The following P2RY2 variants were observed in gnomAD, a reference collection of about 807,000 sequenced individuals.
The protein encoded by P2RY2 is purinergic receptor P2Y2, also known as P2Y purinoceptor 2.
For synonymous variants in P2RY2, 241 were observed against 231.9 expected, an observed-to-expected ratio of 1.04 and a Z score of -0.35; for missense variants, 567 against 515.7, an observed-to-expected ratio of 1.10 and a Z score of -0.96.
At position 73,242,360 on chromosome 11, in the gene P2RY2, T is replaced by A. The variant is rs546610198; in HGVS notation, c.*7067T>A. The A allele has an allele frequency of 6.6e-6, 1 of 152,334 alleles. No individual in the cohort carries two copies. Among genetic ancestry groups the A allele is most frequent in the East Asian group, 1.9e-4 (1 of 5,182 alleles). The allele number at this position is 152,334 out of a possible 1,614,324, so 9.4% of individuals were successfully genotyped here. ...ACACAGTGTGTGCTGTCTCTGTGTG[T>A]GTGCACGTGTGTTTATGTGTGTGTT... On this transcript the variant is annotated 3_prime_UTR_variant, in exon 3 of 3. Coordinates refer to ENST00000393597, the MANE Select transcript of P2RY2 (RefSeq NM_002564.4).
rs2135649001 is a variant in P2RY2 at position 73,235,451 on chromosome 11, G to T, written c.*158G>T. ...GACAGGGGCTCAGGATATTCACTCT[G>T]TGGTCCAGAGTCAACTGTTCCCATA... On this transcript the variant is annotated 3_prime_UTR_variant, in exon 3 of 3. Coordinates refer to ENST00000393597, the MANE Select transcript of P2RY2 (RefSeq NM_002564.4). 2 of 1,393,924 alleles carry T rather than the reference G, an allele frequency of 1.4e-6. No homozygotes were observed. Among genetic ancestry groups the T allele is most frequent in the Admixed American group, 6.7e-5 (2 of 29,936 alleles). The allele number at this position is 1,393,924 out of a possible 1,614,324, so 86.3% of individuals were successfully genotyped here.
At position 73,228,191 on chromosome 11, in the gene P2RY2, G is replaced by GC. The variant is rs1862340361; in HGVS notation, c.-5+16_-5+17insC. 1.1e-5 allele frequency: 1 copy of GC among 89,998 alleles called. No individual in the cohort carries two copies. Among genetic ancestry groups the GC allele is most frequent in the Admixed American group, 1.2e-4 (1 of 8,504 alleles). The allele number at this position is 89,998 out of a possible 1,614,324, so 5.6% of individuals were successfully genotyped here. A position where few individuals can be genotyped will look rare whatever the true frequency, so the allele number is the denominator to read the frequency against. On this transcript the variant is annotated intron_variant, in intron 2 of 2. Coordinates refer to ENST00000393597, the MANE Select transcript of P2RY2 (RefSeq NM_002564.4). ...GGCTGGTCAGGTACGTGGGGTGGGG[G>GC]TGGGGGGGAGCGGGTACGCTGGCCG... is the stretch of plus-strand genomic sequence containing the variant.
chr11:73,234,134 C>A, intron 2 of P2RY2, 22 bp from the exon 3 acceptor site: 2 of 1,580,160 alleles, frequency 1.3e-6, no homozygotes, highest in South Asian at 2.4e-5. Flanking sequence ...CCCTGATGGC[C>A]CCACCCCTCC....
chr11:73,225,981 G>T (rs950875293), intron 1 of P2RY2, among the ~76,000 whole-genome samples: 2 of 152,208 alleles, frequency 1.3e-5, no homozygotes, highest in Non-Finnish European at 2.9e-5. Flanking sequence ...TAGGATTCGT[G>T]TTTCAGGAAA....
chr11:73,236,311 C>T lies in P2RY2; in HGVS notation c.*1018C>T, dbSNP rs912766055. 6.6e-6 allele frequency: 3 copies of T among 455,874 alleles called. No homozygotes were observed. The highest frequency in any genetic ancestry group is 6.4e-5 in the Admixed American group (1 of 15,616). The allele number at this position is 455,874 out of a possible 1,614,324, so 28.2% of individuals were successfully genotyped here. A position where few individuals can be genotyped will look rare whatever the true frequency, so the allele number is the denominator to read the frequency against. On this transcript the variant is annotated 3_prime_UTR_variant, in exon 3 of 3. Transcript: ENST00000393597. ...TTCCATGGTGCAAAAACTCTTATGGCCAAATTCAAACTATAAACATGATGT... is the reference window on the plus strand; with the variant it reads ...TTCCATGGTGCAAAAACTCTTATGGTCAAATTCAAACTATAAACATGATGT...
chr11:73,227,288 C>T (rs1037988335), intron 1 of P2RY2, among the ~76,000 whole-genome samples: 4 of 152,110 alleles, frequency 2.6e-5, no homozygotes, highest in African/African-American at 9.7e-5. Context: ...AAGTATTCCA[C>T]GTTGTATATG....
chr11:73,234,569 G>A lies in P2RY2; in HGVS notation c.410G>A (p.Arg137Gln), dbSNP rs146259826. Residue 137 changes from arginine to glutamine, a missense_variant, in exon 3 of 3, where the codon CGA becomes CAA. Arg to Gln is a conservative substitution (Grantham distance 43). Transcript: ENST00000393597. ...GTGCACCGGTGTCTGGGCGTCTTAC[G>A]ACCTCTGCGCTCCCTGCGCTGGGGC... ...ISVHRCLGVL[R>Q]PLRSLRWGRA... The A allele has an allele frequency of 3.8e-6, 6 of 1,586,170 alleles. No individual in the cohort carries two copies. The highest frequency in any genetic ancestry group is 3.4e-5 in the Admixed American group (2 of 58,228).
Position 73,239,435 on chromosome 11 carries a change from G to C in P2RY2, c.*4142G>C, listed in dbSNP as rs925712350. 6.6e-6 allele frequency: 1 copy of C among 152,382 alleles called. No individual in the cohort carries two copies. The highest frequency in any genetic ancestry group is 2.4e-5 in the African/African-American group (1 of 41,458). 9.4% of individuals were successfully genotyped at this position (152,382 alleles called of 1,614,324 possible). On this transcript the variant is annotated 3_prime_UTR_variant, in exon 3 of 3. Transcript: ENST00000393597. The stretch of plus-strand genomic sequence containing the variant: ...GAGGGCAGCATGGAGAGGAGGAAGA[G>C]GGGGCCCCTAGTAGCAAGCTTCAGA...
Position 73,241,322 on chromosome 11 carries a change from A to C in P2RY2, c.*6029A>C, listed in dbSNP as rs1045955498. 2 of 152,398 alleles carry C rather than the reference A, an allele frequency of 1.3e-5. No homozygotes were observed. The highest frequency in any genetic ancestry group is 4.8e-5 in the African/African-American group (2 of 41,476). The allele number at this position is 152,398 out of a possible 1,614,324, so 9.4% of individuals were successfully genotyped here. A position where few individuals can be genotyped will look rare whatever the true frequency, so the allele number is the denominator to read the frequency against. The stretch of plus-strand genomic sequence containing the variant: ...TGGGGCAAAGGGGAGGGTGGGGGCC[A>C]CAGGGCAGCTGATGCAGGAGCAGGG... On this transcript the variant is annotated 3_prime_UTR_variant, in exon 3 of 3. Transcript: ENST00000393597.
rs1282368189 is a variant in P2RY2 at position 73,241,735 on chromosome 11, G to C, written c.*6442G>C. The C allele has an allele frequency of 1.3e-5, 2 of 152,290 alleles. No individual in the cohort carries two copies. The highest frequency in any genetic ancestry group is 4.8e-5 in the African/African-American group (2 of 41,420). 9.4% of individuals were successfully genotyped at this position (152,290 alleles called of 1,614,324 possible). A position where few individuals can be genotyped will look rare whatever the true frequency, so the allele number is the denominator to read the frequency against. On this transcript the variant is annotated 3_prime_UTR_variant, in exon 3 of 3. Transcript: ENST00000393597. Reference sequence around the variant, plus strand: ...GTGTTGGGGCAGGGTGGGGAGGAAAGGGACCAATGTGTCTTTCCTGGTGAT... The same window carrying C: ...GTGTTGGGGCAGGGTGGGGAGGAAACGGACCAATGTGTCTTTCCTGGTGAT...
chr11:73,230,786 G>A (rs1237712258), intron 2 of P2RY2, among the ~76,000 whole-genome samples: 2 of 152,174 alleles, frequency 1.3e-5, no homozygotes, highest in Non-Finnish European at 2.9e-5. Context: ...GAGGTTGGCA[G>A]AGGCTCAGTT....
chr11:73,230,788 G>A (rs1591635011), intron 2 of P2RY2, among the ~76,000 whole-genome samples: 1 of 152,108 alleles, frequency 6.6e-6, no homozygotes, highest in African/African-American at 2.4e-5. Context: ...GGTTGGCAGA[G>A]GCTCAGTTAT....
chr11:73,222,338 C>T (rs1565134889), intron 1 of P2RY2, among the ~76,000 whole-genome samples: 1 of 152,052 alleles, frequency 6.6e-6, no homozygotes, highest in East Asian at 1.9e-4. Flanking sequence ...GGCCAAGGGA[C>T]CTGCTCCTCT....
Position 73,233,904 on chromosome 11 carries a change from C to T in P2RY2, c.-4-252C>T, listed in dbSNP as rs1271703510. ...TGGGCACCGTTGTGTTCCAACAAAGCTGAATTTACAAAAGCAGACTGGATC... is the reference window on the plus strand; with the variant it reads ...TGGGCACCGTTGTGTTCCAACAAAGTTGAATTTACAAAAGCAGACTGGATC... On this transcript the variant is annotated intron_variant, in intron 2 of 2. Coordinates refer to ENST00000393597, the MANE Select transcript of P2RY2 (RefSeq NM_002564.4). 4 of 529,188 alleles carry T rather than the reference C, an allele frequency of 7.6e-6. No homozygotes were observed. In the African/African-American group the frequency reaches 7.6e-5, roughly 10 times the overall value. The allele number at this position is 529,188 out of a possible 1,614,324, so 32.8% of individuals were successfully genotyped here.
rs376597347 is a variant in P2RY2 at position 73,237,445 on chromosome 11, G to T, written c.*2152G>T. Among the ~76,000 whole-genome samples, 2 of 151,958 alleles carry T rather than the reference G, an allele frequency of 1.3e-5. No homozygotes were observed. The highest frequency in any genetic ancestry group is 4.8e-5 in the African/African-American group (2 of 41,344). On this transcript the variant is annotated 3_prime_UTR_variant, in exon 3 of 3. Transcript: ENST00000393597. ...GTATTTTTAATAGAGACAGGGTTTC[G>T]CCATGTTGGCCAGGCTGGTCTCAAA...
chr11:73,238,373 T>C lies in P2RY2; in HGVS notation c.*3080T>C, dbSNP rs1862703022. 6.6e-6 allele frequency among the ~76,000 whole-genome samples: 1 copy of C among 152,180 alleles called. No individual in the cohort carries two copies. The highest frequency in any genetic ancestry group is 2.4e-5 in the African/African-American group (1 of 41,436). On this transcript the variant is annotated 3_prime_UTR_variant, in exon 3 of 3. Coordinates refer to ENST00000393597, the MANE Select transcript of P2RY2 (RefSeq NM_002564.4). ...CCCTGGCACACAGGGGTCTCTGCCC[T>C]GGGTGGCAGGTGTCCCAGGGTCCAG...
intron 1 of P2RY2, among the ~76,000 whole-genome samples, chr11:73,222,369 C>T (rs779329466): frequency 1.3e-5 from 2 of 151,966 alleles, no homozygotes; most frequent in African/African-American, 2.4e-5. Flanking sequence ...CCGTATGTGT[C>T]GTCTCCTCCT....
chr11:73,235,642 G>C lies in P2RY2; in HGVS notation c.*349G>C. The C allele has an allele frequency of 1.9e-6, 2 of 1,037,876 alleles. No individual in the cohort carries two copies. The highest frequency in any genetic ancestry group is 3.4e-5 in the African/African-American group (2 of 58,722). The allele number at this position is 1,037,876 out of a possible 1,614,324, so 64.3% of individuals were successfully genotyped here. On this transcript the variant is annotated 3_prime_UTR_variant, in exon 3 of 3. Coordinates refer to ENST00000393597, the MANE Select transcript of P2RY2 (RefSeq NM_002564.4). ...CCTAATCAAGTCAAATGGAGAAACA[G>C]GCCCAGAGAGGAAGGTGGCTTACCA...
rs1280012143 is a variant in P2RY2 at position 73,234,568 on chromosome 11, C to A, written c.409C>A (p.Arg137=). The A allele has an allele frequency of 6.3e-7, 1 of 1,586,102 alleles. No individual in the cohort carries two copies. The highest frequency in any genetic ancestry group is 1.7e-5 in the Admixed American group (1 of 58,218). The change falls in exon 3 of 3, where the codon CGA becomes AGA. Residue 137 remains arginine (R), a synonymous_variant. Coordinates refer to ENST00000393597, the MANE Select transcript of P2RY2 (RefSeq NM_002564.4). The part of the protein sequence containing the change: ...ISVHRCLGVL[R]PLRSLRWGRA... ...CGTGCACCGGTGTCTGGGCGTCTTACGACCTCTGCGCTCCCTGCGCTGGGG... is the reference window on the plus strand; with the variant it reads ...CGTGCACCGGTGTCTGGGCGTCTTAAGACCTCTGCGCTCCCTGCGCTGGGG...
Sources: gnomAD v4.1 joint callset for allele counts (sites outside exome capture counted in the v4.1 genomes callset) on GRCh38, gnomAD v4.1.1 for gene constraint, MANE v1.5 for transcripts, NCBI Gene and HGNC (gene_info 2026-07-23, HGNC 2026-07-21) for gene names.